Variants in HNRNPF observed in about 807,000 individuals in gnomAD.
HNRNPF encodes the protein HnRNP F protein.
Under a neutral mutation model 26.0 loss-of-function variants are expected in HNRNPF, and 2 were observed. That is an observed-to-expected ratio of 0.08 (90% CI 0.03 to 0.24). The LOEUF is 0.24. Among genes scored for constraint, HNRNPF ranks in the 10% least tolerant of loss-of-function variants. HNRNPF has a pLI of 1.00. For synonymous variants in HNRNPF, 234 were observed against 211.5 expected (o/e 1.11, Z -0.92); for missense variants, 299 against 539.2 (o/e 0.55, Z 4.41).
intron 3 of HNRNPF, 95 bp downstream of exon 3, chr10:43,394,535 G>A (rs893075021): frequency 7.2e-5 from 11 of 152,066 alleles, no homozygotes; most frequent in Admixed American, 6.6e-5. Context: ...TAATGTTAGG[G>A]ACAAAACTTT....
At chr10:43,391,402 G>C (rs1357049254) in intron 3 of HNRNPF, among the ~76,000 whole-genome samples, 2 of 151,822 alleles carry the variant, frequency 1.3e-5, no homozygotes, top group East Asian at 1.9e-4. Flanking sequence ...AGTTTTCAGT[G>C]AGTGGAGATC....
At chr10:43,403,353 T>C (rs1369116190) in intron 1 of HNRNPF, among the ~76,000 whole-genome samples, 2 of 152,202 alleles carry the variant, frequency 1.3e-5, no homozygotes, top group Non-Finnish European at 2.9e-5. Flanking sequence ...CCAGCCCATA[T>C]AGTTATCTGA....
intron 1 of HNRNPF, among the ~76,000 whole-genome samples, chr10:43,398,879 G>A (rs971996938): frequency 1.3e-5 from 2 of 152,056 alleles, no homozygotes; most frequent in Non-Finnish European, 2.9e-5. Context: ...TAAATAACAC[G>A]AATTACAGGG....
intron 1 of HNRNPF, among the ~76,000 whole-genome samples, chr10:43,403,501 C>G (rs775886370): frequency 2.0e-5 from 3 of 152,104 alleles, no homozygotes; most frequent in Non-Finnish European, 4.4e-5. Context: ...AACTCAGATG[C>G]AAAAGTCCAA....
intron 1 of HNRNPF, among the ~76,000 whole-genome samples, chr10:43,403,369 C>T (rs1280680345): frequency 1.3e-5 from 2 of 152,302 alleles, no homozygotes; most frequent in East Asian, 3.9e-4. Flanking sequence ...TCTGAACTTA[C>T]AAAGCGTTGA....
chr10:43,391,161 T>C (rs1380854690), intron 3 of HNRNPF, among the ~76,000 whole-genome samples: 4 of 151,986 alleles, frequency 2.6e-5, no homozygotes, highest in African/African-American at 7.2e-5. Context: ...GGCGTGATGG[T>C]GGGCACCTGT....
intron 1 of HNRNPF, among the ~76,000 whole-genome samples, chr10:43,405,850 G>A (rs1366899767): frequency 2.6e-5 from 4 of 152,064 alleles, no homozygotes; most frequent in South Asian, 2.1e-4. Context: ...TCTTGGCTGA[G>A]CTCAGTTCTC....
intron 3 of HNRNPF, among the ~76,000 whole-genome samples, chr10:43,393,260 TACAA>T (rs1838325789): frequency 6.6e-6 from 1 of 152,208 alleles, no homozygotes; most frequent in African/African-American, 2.4e-5. Flanking sequence ...TTCCTGTATG[TACAA>T]ACAGCCAATT....
chr10:43,394,984 C>G (rs1031383551), intron 2 of HNRNPF, among the ~76,000 whole-genome samples: 2 of 152,092 alleles, frequency 1.3e-5, no homozygotes, highest in African/African-American at 4.8e-5. Flanking sequence ...CCCCACCCAG[C>G]GAATTTTTGT....
rs1838098264 is a variant in HNRNPF, at chr10:43,387,986, C to T, written c.-52-50G>A. On this transcript the variant is annotated intron_variant, in intron 3 of 3. Coordinates refer to ENST00000682386, the MANE Select transcript of HNRNPF (RefSeq NM_001098204.2). This position sits in a 1 kb window ranked among gnomAD's most constrained non-coding sequence, Gnocchi z 6.0. ...TATTTAGTATGCAACAGAAATTTTC[C>T]CCATTTTACAGACGAGAGAGGTAGC... The T allele has an allele frequency of 4.0e-6, 4 of 993,764 alleles. No individual in the cohort carries two copies. Among genetic ancestry groups the T allele is most frequent in the Non-Finnish European group, 1.5e-6 (1 of 682,894 alleles). 61.6% of individuals were successfully genotyped at this position (993,764 alleles called of 1,614,324 possible).
chr10:43,390,720 A>ATC (rs1348965926), intron 3 of HNRNPF, among the ~76,000 whole-genome samples: 3 of 152,194 alleles, frequency 2.0e-5, no homozygotes, highest in Non-Finnish European at 4.4e-5. Flanking sequence ...CCAAACAAAT[A>ATC]TCTGACTACT....
chr10:43,386,930 TATGGACTCTCAC>T lies in HNRNPF; in HGVS notation c.943_954del (p.Val315_His318del). ...ACTCTTCCATCTGGGCCAATCTCAA[TATGGACTCTCAC>T]AGGGTTGAGAGGAGAGAAGAAGTTG... On this transcript the variant is annotated inframe_deletion, in exon 4 of 4. Transcript: ENST00000682386. 6.2e-7 allele frequency: 1 copy of T among 1,614,132 alleles called. No individual in the cohort carries two copies. The highest frequency in any genetic ancestry group is 8.5e-7 in the Non-Finnish European group (1 of 1,180,014).
chr10:43,391,840 A>G lies in HNRNPF; in HGVS notation c.-53+2790T>C, dbSNP rs117841464. On this transcript the variant is annotated intron_variant, in intron 3 of 3. Transcript: ENST00000682386. Reference sequence around the variant, plus strand: ...AATTAAACATGCTCAGTTCTACCCAATCATGTCATACCTCCCCTGTGCCAA... The same window carrying G: ...AATTAAACATGCTCAGTTCTACCCAGTCATGTCATACCTCCCCTGTGCCAA... Among the ~76,000 whole-genome samples the G allele has an allele frequency of 1.4e-3, 208 of 152,014 alleles. 1 individual carries two copies. Among genetic ancestry groups the G allele is most frequent in the Middle Eastern group, 3.4e-3 (1 of 292 alleles).
intron 1 of HNRNPF, among the ~76,000 whole-genome samples, chr10:43,399,473 T>C (rs1283006001): frequency 1.3e-5 from 2 of 152,196 alleles, no homozygotes; most frequent in Non-Finnish European, 2.9e-5. Context: ...AGGGGTTGTA[T>C]TGTGCAACTG....
At position 43,387,163 on chromosome 10, in the gene HNRNPF, C is replaced by A; in HGVS notation, c.722G>T (p.Gly241Val). The A allele has an allele frequency of 6.2e-7, 1 of 1,614,162 alleles. No individual in the cohort carries two copies. Among genetic ancestry groups the A allele is most frequent in the Non-Finnish European group, 8.5e-7 (1 of 1,180,040 alleles). Residue 241 changes from glycine (G) to valine (V), a missense_variant, in exon 4 of 4, where the codon GGG (glycine) becomes GTG (valine). Physicochemically the swap from Gly to Val is moderately radical, Grantham distance 109 (BLOSUM62 -3). Around this residue, in one of 6 missense-constraint regions of HNRNPF, gnomAD observed 74 missense variants for 77.7 expected, o/e 0.95. Coordinates refer to ENST00000682386, the MANE Select transcript of HNRNPF (RefSeq NM_001098204.2). The surrounding 1 kb of genome is among the most constrained non-coding windows in gnomAD (Gnocchi z 6.0). Reference sequence around the variant, plus strand: ...GAGGCCACTGTACTCCTCGTAGCCCCCGTAGCCTGTGCTGTAGGCACCAGG... The same window carrying A: ...GAGGCCACTGTACTCCTCGTAGCCCACGTAGCCTGTGCTGTAGGCACCAGG... ...MRPGAYSTGYGGYEEYSGLSD... is the reference protein window; with the variant it reads ...MRPGAYSTGYVGYEEYSGLSD...
intron 2 of HNRNPF, among the ~76,000 whole-genome samples, chr10:43,396,215 C>G (rs1838504752): frequency 6.6e-6 from 1 of 152,232 alleles, no homozygotes; most frequent in African/African-American, 2.4e-5. Context: ...CGGCTATCTG[C>G]AGAGTAAACA....
chr10:43,395,113 G>T (rs1173526077), intron 2 of HNRNPF, among the ~76,000 whole-genome samples: 3 of 146,878 alleles, frequency 2.0e-5, no homozygotes, highest in East Asian at 3.9e-4. Context: ...CCTAAGTGCT[G>T]GGAGGAAATT....
chr10:43,388,747 C>T (rs1295937655), intron 3 of HNRNPF, among the ~76,000 whole-genome samples: 4 of 152,196 alleles, frequency 2.6e-5, no homozygotes, highest in Admixed American at 2.0e-4. Flanking sequence ...ATGCCCTTCC[C>T]ACCAGGGTGG....
intron 1 of HNRNPF, chr10:43,407,939 CTTTT>C (rs1259948114): frequency 6.6e-6 from 1 of 152,176 alleles, no homozygotes; most frequent in Admixed American, 6.5e-5. Flanking sequence ...ATTATTACTT[CTTTT>C]GAGACAAGGT....
Sources: allele counts gnomAD v4.1 joint callset (sites outside exome capture counted in the v4.1 genomes callset), GRCh38; gene constraint gnomAD v4.1.1; regional missense constraint gnomAD v4.1.1; non-coding constraint Gnocchi (gnomAD v3.1); transcripts MANE v1.5; gene names NCBI Gene and HGNC (gene_info 2026-07-23, HGNC 2026-07-21).